Variants in CTNNA2 observed in about 807,000 individuals in gnomAD.
CTNNA2 encodes catenin alpha-2.
CTNNA2 carries 42 observed loss-of-function variants against 101.0 expected under a neutral mutation model. That is an observed-to-expected ratio of 0.42 (90% CI 0.32 to 0.54). CTNNA2 has a LOEUF of 0.54. Among genes scored for constraint, CTNNA2 ranks in the 20% least tolerant of loss-of-function variants. The pLI is 0.14. For synonymous variants in CTNNA2, 450 were observed against 456.4 expected (o/e 0.99, Z 0.18); for missense variants, 871 against 1,223.1 (o/e 0.71, Z 4.29).
intron 7 of CTNNA2, among the ~76,000 whole-genome samples, chr2:79,940,865 GT>G (rs1314189543): frequency 6.6e-6 from 1 of 152,170 alleles, no homozygotes; most frequent in African/African-American, 2.4e-5. Flanking sequence ...AAACAGAATG[GT>G]TGTATGGCTA....
chr2:79,225,642 A>G (rs996403128), intron 2 of CTNNA2, among the ~76,000 whole-genome samples: 3 of 152,210 alleles, frequency 2.0e-5, no homozygotes, highest in Admixed American at 2.0e-4. Flanking sequence ...CCAAAAGTCA[A>G]CTGCTAGGGA....
intron 9 of CTNNA2, among the ~76,000 whole-genome samples, chr2:80,525,235 C>A (rs915493115): frequency 6.6e-6 from 1 of 151,710 alleles, no homozygotes; most frequent in African/African-American, 2.4e-5. Context: ...GCTACCCTGC[C>A]TCCCCAACAC....
In CTNNA2 at chr2:79,466,197, C is replaced by G. The variant is rs376670455; in HGVS notation, c.-134-38857C>G. Among the ~76,000 whole-genome samples, 8 of 152,308 alleles carry G rather than the reference C, an allele frequency of 5.3e-5. No homozygotes were observed. In the East Asian group the frequency reaches 1.4e-3, roughly 26 times the overall value. ...GGGTCACTCCCACCCTAATACTGCG[C>G]TTTTCCAATGGTCTTAGCACACCAG... On this transcript the variant is annotated intron_variant, in intron 4 of 21. Transcript: ENST00000466387.
intron 3 of CTNNA2, among the ~76,000 whole-genome samples, chr2:79,749,871 A>G (rs1671894152): frequency 6.6e-6 from 1 of 152,198 alleles, no homozygotes; most frequent in Admixed American, 6.5e-5. Flanking sequence ...TATTAATTAT[A>G]ATTTATTAAA....
chr2:79,252,993 A>T (rs1200523370), intron 2 of CTNNA2, among the ~76,000 whole-genome samples: 1 of 152,190 alleles, frequency 6.6e-6, no homozygotes, highest in Non-Finnish European at 1.5e-5. Context: ...TTAGGGTAAT[A>T]CATGTTATAA....
At chr2:80,225,959 A>G (rs575167662) in intron 7 of CTNNA2, among the ~76,000 whole-genome samples, 2 of 152,336 alleles carry the variant, frequency 1.3e-5, no homozygotes, top group Admixed American at 6.5e-5. Flanking sequence ...CTTGATCTCA[A>G]TTCAGAAAGA....
intron 2 of CTNNA2, among the ~76,000 whole-genome samples, chr2:79,233,869 C>T (rs184257909): frequency 2.1e-3 from 313 of 151,832 alleles, no homozygotes; most frequent in African/African-American, 7.3e-3. Flanking sequence ...AAGAATAATG[C>T]TCCTTTTTGT....
intron 7 of CTNNA2, among the ~76,000 whole-genome samples, chr2:80,040,899 C>G (rs1011099150): frequency 1.3e-5 from 2 of 152,098 alleles, no homozygotes; most frequent in African/African-American, 4.8e-5. Context: ...TCAAAAAATA[C>G]ATTAACAAGT....
chr2:79,370,766 T>G (rs993286514), intron 3 of CTNNA2, among the ~76,000 whole-genome samples: 3 of 152,196 alleles, frequency 2.0e-5, no homozygotes, highest in African/African-American at 7.2e-5. Context: ...CTCCAGGTTA[T>G]AGTCTCTTTC....
chr2:79,240,710 A>G (rs1674615724), intron 2 of CTNNA2, among the ~76,000 whole-genome samples: 1 of 152,212 alleles, frequency 6.6e-6, no homozygotes. Context: ...ACTGGCTGGA[A>G]GATGATACCC....
chr2:80,054,837 G>A (rs1260433076), intron 7 of CTNNA2, among the ~76,000 whole-genome samples: 1 of 152,100 alleles, frequency 6.6e-6, no homozygotes, highest in Non-Finnish European at 1.5e-5. Flanking sequence ...GGTGAGGTAG[G>A]TGGGGTACTG....
chr2:79,585,416 A>G (rs1474975022), intron 1 of CTNNA2, among the ~76,000 whole-genome samples: 3 of 151,806 alleles, frequency 2.0e-5, no homozygotes, highest in African/African-American at 4.8e-5. Context: ...TAGTGGATGT[A>G]TTTTTCCTAT....
At chr2:79,992,302 A>G (rs1692237144) in intron 7 of CTNNA2, among the ~76,000 whole-genome samples, 1 of 152,222 alleles carries the variant, frequency 6.6e-6, no homozygotes, top group African/African-American at 2.4e-5. Flanking sequence ...TAATCACAAA[A>G]AAAAAGAAAA....
rs571270440 is a variant in CTNNA2, at chr2:80,336,423, C to A, written c.1057-56788C>A. 2.5e-4 allele frequency among the ~76,000 whole-genome samples: 38 copies of A among 152,252 alleles called. No homozygotes were observed. The South Asian group carries it at 7.9e-3, about 32-fold the overall frequency. ...ACCCGCCCCCTCAATTTTACAATTA[C>A]AATTTTGCTATACTTGCTTTATCAG... is the stretch of plus-strand genomic sequence containing the variant. On this transcript the variant is annotated intron_variant, in intron 7 of 18. Transcript: ENST00000402739.
chr2:79,455,176 A>C (rs976472847), intron 4 of CTNNA2, among the ~76,000 whole-genome samples: 5 of 152,226 alleles, frequency 3.3e-5, no homozygotes, highest in Non-Finnish European at 1.5e-5. Context: ...AGTATTCTTG[A>C]ATCTAAGGCA....
chr2:79,437,974 C>A (rs1163659073), intron 4 of CTNNA2, among the ~76,000 whole-genome samples: 1 of 152,052 alleles, frequency 6.6e-6, no homozygotes, highest in Non-Finnish European at 1.5e-5. Flanking sequence ...TGCCTTTGTC[C>A]CTGGACTCCA....
At chr2:80,016,990 A>G (rs1694196298) in intron 7 of CTNNA2, among the ~76,000 whole-genome samples, 1 of 152,242 alleles carries the variant, frequency 6.6e-6, no homozygotes, top group Admixed American at 6.5e-5. Context: ...AAGGTGAAAT[A>G]TCATTATAAG....
intron 2 of CTNNA2, among the ~76,000 whole-genome samples, chr2:79,658,786 G>A (rs949946009): frequency 1.3e-5 from 2 of 151,918 alleles, no homozygotes; most frequent in Non-Finnish European, 2.9e-5. Context: ...TAGCCAAATA[G>A]GGAAGGAACC....
At chr2:80,267,623 A>AT (rs1445654032) in intron 7 of CTNNA2, among the ~76,000 whole-genome samples, 1 of 152,212 alleles carries the variant, frequency 6.6e-6, no homozygotes, top group Non-Finnish European at 1.5e-5. Flanking sequence ...GAAGGAGACG[A>AT]TTCGCTCTAA....
Sources: allele counts gnomAD v4.1 joint callset (sites outside exome capture counted in the v4.1 genomes callset), GRCh38; gene constraint gnomAD v4.1.1; transcripts MANE v1.5; gene names NCBI Gene and HGNC (gene_info 2026-07-23, HGNC 2026-07-21).